The following ECPAS variants were observed in gnomAD, a reference collection of about 807,000 sequenced individuals.
The protein encoded by ECPAS is proteasome adapter and scaffold protein ECM29.
ECPAS carries 70 observed loss-of-function variants against 255.1 expected under a neutral mutation model. The ratio of observed to expected loss-of-function variants is 0.27; its 90% CI spans 0.23 to 0.33. The LOEUF (loss-of-function observed/expected upper bound fraction) is 0.33. Among genes scored for constraint, ECPAS ranks in the 10% least tolerant of loss-of-function variants. The pLI, the probability that ECPAS is intolerant of heterozygous loss-of-function variation, is 1.00. For synonymous variants in ECPAS, 784 were observed against 775.0 expected, an observed-to-expected ratio of 1.01 and a Z score of -0.19; for missense variants, 1,817 against 2,206.4, an observed-to-expected ratio of 0.82 and a Z score of 3.54.
At chr9:111,371,428 C>T (rs2098127121) in intron 43 of ECPAS, among the ~76,000 whole-genome samples, 193 bp downstream of exon 43, 1 of 152,136 alleles carries the variant, frequency 6.6e-6, no homozygotes, top group African/African-American at 2.4e-5. Flanking sequence ...TTATGCAAGG[C>T]CACACGGGTT....
intron 1 of ECPAS, among the ~76,000 whole-genome samples, chr9:111,483,353 T>C (rs2098309722): frequency 6.7e-6 from 1 of 150,268 alleles, no homozygotes; most frequent in Admixed American, 6.6e-5. Context: ...GCCCCGCCCG[T>C]CCGCCAGGCC....
chr9:111,483,643 C>T (rs2098310481), intron 1 of ECPAS: 1 of 214,172 alleles, frequency 4.7e-6, no homozygotes, highest in Non-Finnish European at 7.9e-6. Context: ...CGCCTCCGTT[C>T]ACTCGGCGCG....
chr9:111,420,639 T>A (rs976285698), intron 15 of ECPAS, among the ~76,000 whole-genome samples: 1 of 152,148 alleles, frequency 6.6e-6, no homozygotes, highest in African/African-American at 2.4e-5. Flanking sequence ...AGAAATATAT[T>A]CAATTAACTA....
At chr9:111,478,463 G>A (rs997190605) in intron 1 of ECPAS, among the ~76,000 whole-genome samples, 10 of 151,954 alleles carry the variant, frequency 6.6e-5, no homozygotes, top group Admixed American at 5.9e-4. Flanking sequence ...GAAGGCAGAG[G>A]TTGCAGTGAT....
intron 1 of ECPAS, chr9:111,483,802 C>A: frequency 4.9e-6 from 1 of 204,872 alleles, no homozygotes; most frequent in Non-Finnish European, 8.5e-6. Context: ...CCGCCGCCGC[C>A]GTCTGTGCGG....
intron 33 of ECPAS, among the ~76,000 whole-genome samples, 198 bp downstream of exon 33, chr9:111,385,139 T>C (rs7039908): frequency 0.014 from 2,067 of 152,244 alleles, 57 homozygotes; most frequent in African/African-American, 0.047. Context: ...ACCTTTTTTT[T>C]CCCTAAGTCT....
At chr9:111,417,620 G>A (rs138624919) in intron 17 of ECPAS, among the ~76,000 whole-genome samples, 49 of 152,046 alleles carry the variant, frequency 3.2e-4, no homozygotes, top group African/African-American at 1.1e-3. Flanking sequence ...GGTGGCAGGC[G>A]CCTATAATCC....
chr9:111,435,335 T>A (rs1233139675), intron 7 of ECPAS, among the ~76,000 whole-genome samples: 1 of 152,190 alleles, frequency 6.6e-6, no homozygotes, highest in Non-Finnish European at 1.5e-5. Context: ...ATAGCTTTCA[T>A]CCCTGAAACT....
chr9:111,362,232 CA>C (rs2098114424), intron 49 of ECPAS, 63 bp from the exon 50 acceptor site: 1 of 1,380,640 alleles, frequency 7.2e-7, no homozygotes, highest in African/African-American at 1.5e-5. Context: ...GAAAAAACCC[CA>C]AAGAATCCTT....
At chr9:111,374,995 G>T (rs886789552) in intron 38 of ECPAS, 118 bp downstream of exon 38, 1 of 712,100 alleles carries the variant, frequency 1.4e-6, no homozygotes, top group Admixed American at 2.2e-5. Context: ...AAATAAAATG[G>T]TTAGTGTATA....
At chr9:111,390,896 C>T (rs1159579053) in intron 29 of ECPAS, among the ~76,000 whole-genome samples, 2 of 152,216 alleles carry the variant, frequency 1.3e-5, no homozygotes, top group African/African-American at 2.4e-5. Flanking sequence ...GCAGTGGGTG[C>T]ACCTAGCTAT....
Position 111,361,125 on chromosome 9 carries a change from T to A in ECPAS, c.*905A>T, listed in dbSNP as rs2098112872. 6.6e-6 allele frequency: 1 copy of A among 152,194 alleles called. No homozygotes were observed. Among genetic ancestry groups the A allele is most frequent in the African/African-American group, 2.4e-5 (1 of 41,452 alleles). The allele number at this position is 152,194 out of a possible 1,614,324, so 9.4% of individuals were successfully genotyped here. A position where few individuals can be genotyped will look rare whatever the true frequency, so the allele number is the denominator to read the frequency against. On this transcript the variant is annotated 3_prime_UTR_variant, in exon 50 of 50. Transcript: ENST00000684092. ...TAAAGTCATACTGGTAGCATAAAAG[T>A]GAACAGAAATTTGTCATTACAGTTT...
At chr9:111,483,993 G>A in intron 1 of ECPAS, 123 bp downstream of exon 1, 1 of 1,000,528 alleles carries the variant, frequency 1.0e-6, no homozygotes, top group South Asian at 4.5e-5. Context: ...ACCTGTCGCC[G>A]CCCGCCCCGC....
rs887723167 is a variant in ECPAS, at chr9:111,425,755, T to C, written c.1124A>G (p.His375Arg). 3 of 1,574,404 alleles carry C rather than the reference T, an allele frequency of 1.9e-6. No homozygotes were observed. The highest frequency in any genetic ancestry group is 2.6e-6 in the Non-Finnish European group (3 of 1,147,278). The change falls in exon 11 of 50, where the codon CAT becomes CGT. Residue 375 changes from histidine to arginine, a missense_variant. His to Arg is a conservative substitution (Grantham distance 29). Around this residue, in one of 4 missense-constraint regions of ECPAS, gnomAD observed 573 missense variants for 716.2 expected, o/e 0.80. Coordinates refer to ENST00000684092, the MANE Select transcript of ECPAS (RefSeq NM_001364929.1). ...GTTAAAGACTTACGTTATACAAATA[T>C]GATGCACAAATTGCAGGGATAATGT... is the stretch of plus-strand genomic sequence containing the variant. The part of the protein sequence containing the change: ...LRTLSLQFVH[H>R]ICITCPEIKI...
intron 22 of ECPAS, among the ~76,000 whole-genome samples, chr9:111,410,618 G>C (rs1320929466): frequency 2.0e-5 from 3 of 152,250 alleles, no homozygotes; most frequent in South Asian, 4.2e-4. Flanking sequence ...CCAGGCTCCA[G>C]TGATTCTCCC....
At chr9:111,374,151 C>T (rs1238812663) in intron 38 of ECPAS, 113 bp from the exon 39 acceptor site, 10 of 750,482 alleles carry the variant, frequency 1.3e-5, no homozygotes, top group Non-Finnish European at 2.3e-5. Context: ...AAGCCTAATA[C>T]CCCCTCCAGG....
chr9:111,468,331 T>C (rs912366018), intron 2 of ECPAS, among the ~76,000 whole-genome samples: 2 of 152,156 alleles, frequency 1.3e-5, no homozygotes, highest in Middle Eastern at 3.2e-3. Flanking sequence ...ATTCCAAAAC[T>C]ACTAAGTGGC....
At chr9:111,469,191 T>C (rs991779125) in intron 2 of ECPAS, among the ~76,000 whole-genome samples, 1 of 151,032 alleles carries the variant, frequency 6.6e-6, no homozygotes, top group Non-Finnish European at 1.5e-5. Context: ...TAAGCCAAAA[T>C]TGTGCCACTG....
chr9:111,428,864 A>G (rs1459662483), intron 9 of ECPAS, among the ~76,000 whole-genome samples: 1 of 151,992 alleles, frequency 6.6e-6, no homozygotes, highest in African/African-American at 2.4e-5. Context: ...CCTTGTCCTT[A>G]TATGCTTTTG....
Sources: allele counts gnomAD v4.1 joint callset (sites outside exome capture counted in the v4.1 genomes callset), GRCh38; gene constraint gnomAD v4.1.1; regional missense constraint gnomAD v4.1.1; transcripts MANE v1.5; gene names NCBI Gene and HGNC (gene_info 2026-07-23, HGNC 2026-07-21).